The following P2RY12 variants were observed in gnomAD, a reference collection of about 807,000 sequenced individuals.
The protein encoded by P2RY12 is purinergic receptor P2Y12, also known as P2Y purinoceptor 12.
Under a neutral mutation model 4.5 loss-of-function variants are expected in P2RY12, and 3 were observed. That is an observed-to-expected ratio of 0.67 (90% CI 0.31 to 1.74). The LOEUF (loss-of-function observed/expected upper bound fraction) is 1.74, where lower values mean the gene tolerates loss of function less well. Among genes scored for constraint, P2RY12 ranks in the 40% most tolerant of loss-of-function variants. P2RY12 has a pLI of 0.09. For missense variants in P2RY12, 356 were observed against 407.8 expected, an observed-to-expected ratio of 0.87 and a Z score of 1.09; for synonymous variants, 148 against 154.1, an observed-to-expected ratio of 0.96 and a Z score of 0.29.
chr3:151,373,675 A>G (rs989863154), intron 1 of P2RY12, among the ~76,000 whole-genome samples: 1 of 152,046 alleles, frequency 6.6e-6, no homozygotes, highest in Non-Finnish European at 1.5e-5. Flanking sequence ...GGGTTATAAT[A>G]TACTGTACTT....
intron 1 of P2RY12, chr3:151,380,094 A>G: frequency 2.1e-6 from 3 of 1,446,816 alleles, no homozygotes; most frequent in East Asian, 2.3e-5. Flanking sequence ...ATCTGTTGTT[A>G]TTATTACTTC....
intron 1 of P2RY12, among the ~76,000 whole-genome samples, chr3:151,368,929 T>A (rs891827781): frequency 6.6e-6 from 1 of 151,582 alleles, no homozygotes. Context: ...GCCTGGCAAA[T>A]TTTTGTATTT....
At chr3:151,376,664 ACCTTTTGAC>A in intron 1 of P2RY12, 1 of 704,984 alleles carries the variant, frequency 1.4e-6, no homozygotes, top group Non-Finnish European at 2.4e-6. Context: ...AAGATTGGGA[ACCTTTTGAC>A]TCATATAAAT....
At chr3:151,351,266 A>C (rs1017339289) in intron 1 of P2RY12, among the ~76,000 whole-genome samples, 1 of 152,222 alleles carries the variant, frequency 6.6e-6, no homozygotes, top group African/African-American at 2.4e-5. Context: ...CATGGTGCAC[A>C]TGCAGAAACA....
Position 151,337,854 on chromosome 3 carries a change from T to C in P2RY12, c.992A>G (p.Gln331Arg). The change falls in exon 3 of 3, where the codon CAG (glutamine) becomes CGG (arginine). Residue 331 changes from glutamine (Q) to arginine (R), a missense_variant. Transcript: ENST00000302632. ...CTCTTCATTTGGGTCACCACCATCC[T>C]GTTCTTTTTTCCTATTGTCCTGGGA... ...SLSQDNRKKE[Q>R]DGGDPNEETP... The C allele has an allele frequency of 6.2e-7, 1 of 1,614,148 alleles. No homozygotes were observed. Among genetic ancestry groups the C allele is most frequent in the East Asian group, 2.2e-5 (1 of 44,892 alleles).
intron 1 of P2RY12, among the ~76,000 whole-genome samples, chr3:151,353,349 A>G (rs1198670921): frequency 3.3e-5 from 5 of 152,250 alleles, no homozygotes; most frequent in African/African-American, 9.6e-5. Context: ...ATGACATGTG[A>G]GCAGCTACAG....
At position 151,367,172 on chromosome 3, in the gene P2RY12, A is replaced by G. The variant is rs571961981; in HGVS notation, c.-180+17520T>C. Among the ~76,000 whole-genome samples, 4 of 152,310 alleles carry G rather than the reference A, an allele frequency of 2.6e-5. No individual in the cohort carries two copies. The South Asian group carries it at 8.3e-4, about 32-fold the overall frequency. On this transcript the variant is annotated intron_variant, in intron 1 of 2. Coordinates refer to ENST00000302632, the MANE Select transcript of P2RY12 (RefSeq NM_022788.5). The stretch of plus-strand genomic sequence containing the variant: ...TTGGAAACTTTCAGAGTTGTTTTTA[A>G]AACGAGTTTAATCATTAAAGAATCC...
At chr3:151,379,885 C>G (rs994599484) in intron 1 of P2RY12, among the ~76,000 whole-genome samples, 1 of 152,116 alleles carries the variant, frequency 6.6e-6, no homozygotes, top group African/African-American at 2.4e-5. Flanking sequence ...TGGTTTGATG[C>G]TAGTTTGAGA....
At chr3:151,367,027 A>G (rs962771959) in intron 1 of P2RY12, among the ~76,000 whole-genome samples, 7 of 152,158 alleles carry the variant, frequency 4.6e-5, no homozygotes. Flanking sequence ...TTGCTATTGT[A>G]GTTGTTTTTC....
intron 1 of P2RY12, chr3:151,380,063 T>A: frequency 8.8e-7 from 1 of 1,134,190 alleles, no homozygotes; most frequent in Non-Finnish European, 1.3e-6. Flanking sequence ...CCAGAGGAAG[T>A]AATGCATTAT....
rs1577362513 is a variant in P2RY12, at chr3:151,337,027, A to G, written c.*790T>C. 6.6e-6 allele frequency: 1 copy of G among 152,274 alleles called. No individual in the cohort carries two copies. The highest frequency in any genetic ancestry group is 2.1e-4 in the South Asian group (1 of 4,842). 9.4% of individuals were successfully genotyped at this position (152,274 alleles called of 1,614,324 possible). A position where few individuals can be genotyped will look rare whatever the true frequency, so the allele number is the denominator to read the frequency against. Reference sequence around the variant, plus strand: ...AATTAGCAGCTATTTTCTAGAAGCTAATTAATAAAGGTAAGTGTCAATGAT... The same window carrying G: ...AATTAGCAGCTATTTTCTAGAAGCTGATTAATAAAGGTAAGTGTCAATGAT... On this transcript the variant is annotated 3_prime_UTR_variant, in exon 3 of 3. Transcript: ENST00000302632.
intron 1 of P2RY12, among the ~76,000 whole-genome samples, chr3:151,349,564 A>G (rs1279850628): frequency 6.6e-6 from 1 of 151,880 alleles, no homozygotes; most frequent in Admixed American, 6.5e-5. Context: ...GATTACAGAC[A>G]GGAGCCACTG....
rs372134855 is a variant in P2RY12 at position 151,374,884 on chromosome 3, A to AT, written c.-180+9807dup. ...TCTTACCAGATGATCCAGTTTTATT[A>AT]TTTTTTGGTTTATTCTCCCTCCCAT... On this transcript the variant is annotated intron_variant, in intron 1 of 2. Coordinates refer to ENST00000302632, the MANE Select transcript of P2RY12 (RefSeq NM_022788.5). 8.7e-4 allele frequency among the ~76,000 whole-genome samples: 132 copies of AT among 152,190 alleles called. 1 individual carries two copies. Among genetic ancestry groups the AT allele is most frequent in the African/African-American group, 2.8e-3 (117 of 41,532 alleles).
intron 1 of P2RY12, among the ~76,000 whole-genome samples, chr3:151,374,319 A>C (rs1011307021): frequency 6.6e-6 from 1 of 152,276 alleles, no homozygotes; most frequent in South Asian, 2.1e-4. Context: ...AGGCTGAGGC[A>C]GGTGGATCAC....
At chr3:151,342,427 T>C (rs1751979008) in intron 1 of P2RY12, among the ~76,000 whole-genome samples, 1 of 152,196 alleles carries the variant, frequency 6.6e-6, no homozygotes, top group South Asian at 2.1e-4. Flanking sequence ...TCTTCATTGG[T>C]TTTCACAGTG....
chr3:151,360,600 C>T (rs762879011), intron 1 of P2RY12: 2 of 1,611,664 alleles, frequency 1.2e-6, no homozygotes, highest in African/African-American at 1.3e-5. Context: ...TTGGAGACCT[C>T]TTCAGGTGAG....
intron 1 of P2RY12, among the ~76,000 whole-genome samples, chr3:151,342,291 T>G (rs1751955101): frequency 6.6e-6 from 1 of 152,258 alleles, no homozygotes; most frequent in Non-Finnish European, 1.5e-5. Flanking sequence ...ACCTCCCTGG[T>G]GTCTCAAACT....
intron 1 of P2RY12, among the ~76,000 whole-genome samples, chr3:151,383,593 A>C (rs1712788693): frequency 6.6e-6 from 1 of 152,204 alleles, no homozygotes; most frequent in African/African-American, 2.4e-5. Context: ...GAATGACTGA[A>C]CTGTGCTGAA....
chr3:151,339,306 C>T (rs1751473875), intron 2 of P2RY12, among the ~76,000 whole-genome samples: 1 of 151,600 alleles, frequency 6.6e-6, no homozygotes, highest in Non-Finnish European at 1.5e-5. Flanking sequence ...TACTGTAGTA[C>T]CGTCAAAACA....
Sources: allele counts gnomAD v4.1 joint callset (sites outside exome capture counted in the v4.1 genomes callset), GRCh38; gene constraint gnomAD v4.1.1; transcripts MANE v1.5; gene names NCBI Gene and HGNC (gene_info 2026-07-23, HGNC 2026-07-21).